ABR: variants seen among roughly 807,000 people sequenced by gnomAD.
ABR encodes active breakpoint cluster region-related protein.
Under a neutral mutation model 107.2 loss-of-function variants are expected in ABR, and 35 were observed. The observed-to-expected ratio is 0.33, with a 90% CI of 0.25 to 0.43. ABR has a LOEUF of 0.43. Ranked by LOEUF, ABR falls within the 20% of genes least tolerant of loss-of-function variation. The pLI is 1.00. For synonymous variants in ABR, 498 were observed against 462.0 expected, an observed-to-expected ratio of 1.08 and a Z score of -1.00; for missense variants, 815 against 1,115.2, an observed-to-expected ratio of 0.73 and a Z score of 3.83.
rs2032095807 is a variant in ABR at position 1,048,960 on chromosome 17, A to AGCACGAGGCC, written c.1791+1080_1791+1089dup. Reference sequence around the variant, plus strand: ...CCCCAAACCAGACCACTTGCGGCACAGCACGAGGCCACACGAGGTACCAGA... The same window carrying AGCACGAGGCC: ...CCCCAAACCAGACCACTTGCGGCACAGCACGAGGCCGCACGAGGCCACACGAGGTACCAGA... On this transcript the variant is annotated intron_variant, in intron 16 of 22. Coordinates refer to ENST00000302538, the MANE Select transcript of ABR (RefSeq NM_021962.5). 2.0e-5 allele frequency among the ~76,000 whole-genome samples: 3 copies of AGCACGAGGCC among 152,332 alleles called. No homozygotes were observed. In the South Asian group the frequency reaches 6.2e-4, roughly 32 times the overall value.
At chr17:1,015,560 G>A (rs537074113) in intron 16 of ABR, among the ~76,000 whole-genome samples, 3 of 152,006 alleles carry the variant, frequency 2.0e-5, no homozygotes, top group South Asian at 2.1e-4. Flanking sequence ...GGGTTCAAGC[G>A]ATTCTCCTGC....
At position 1,154,043 on chromosome 17, in the gene ABR, G is replaced by A; in HGVS notation, c.61+25624C>T. The A allele has an allele frequency of 6.4e-6, 1 of 155,754 alleles. No homozygotes were observed. The allele number at this position is 155,754 out of a possible 1,614,324, so 9.6% of individuals were successfully genotyped here. On this transcript the variant is annotated intron_variant, in intron 1 of 22. Transcript: ENST00000302538. The surrounding 1 kb of genome is among the most constrained non-coding windows in gnomAD (Gnocchi z 4.0). ...CCCACTCGGGGGCGGGCGCGTGGGA[G>A]GACCAACGAAGAGGGAGGAGGTGGG...
chr17:1,036,712 C>T (rs572664342), intron 16 of ABR, among the ~76,000 whole-genome samples: 62 of 152,138 alleles, frequency 4.1e-4, no homozygotes, highest in African/African-American at 1.2e-3. Flanking sequence ...GGAGTGGGGA[C>T]GGGAGTGTCC....
At chr17:1,041,080 C>G (rs562766670) in intron 16 of ABR, among the ~76,000 whole-genome samples, 4 of 152,078 alleles carry the variant, frequency 2.6e-5, no homozygotes, top group Non-Finnish European at 5.9e-5. Context: ...CCATCACGCC[C>G]GGCTGATTTT....
chr17:1,168,200 C>G (rs2041587235), intron 1 of ABR, among the ~76,000 whole-genome samples: 1 of 152,160 alleles, frequency 6.6e-6, no homozygotes, highest in Non-Finnish European at 1.5e-5. Context: ...GCAGGAGAAT[C>G]ACTGGAACCC....
intron 1 of ABR, among the ~76,000 whole-genome samples, chr17:1,225,310 A>AAAACC (rs1417151085): frequency 4.6e-5 from 7 of 152,050 alleles, no homozygotes; most frequent in African/African-American, 1.7e-4. Context: ...TGCACCACGG[A>AAAACC]AAACCAAACC....
intron 1 of ABR, among the ~76,000 whole-genome samples, chr17:1,130,867 G>A (rs973185235): frequency 3.9e-5 from 6 of 152,214 alleles, no homozygotes; most frequent in Admixed American, 6.5e-5. Context: ...CTGAAAGAGG[G>A]GAGTAAGTGG....
chr17:1,197,506 C>G lies in ABR; in HGVS notation c.838+31287G>C, dbSNP rs370044136. Among the ~76,000 whole-genome samples, 62 of 151,676 alleles carry G rather than the reference C, an allele frequency of 4.1e-4. 1 individual carries two copies. The East Asian group carries it at 8.5e-3, about 21-fold the overall frequency. On this transcript the variant is annotated intron_variant, in intron 1 of 22. Coordinates refer to the ABR transcript ENST00000574139. The stretch of plus-strand genomic sequence containing the variant: ...AGCCACAGCTCTGATGAAACCTCAC[C>G]CTAATCCCCTTCTCGTGGCCCACAG...
rs1048109520 is a variant in ABR, at chr17:1,003,567, C to G, written c.*2513G>C. The G allele has an allele frequency of 2.0e-5, 3 of 152,474 alleles. No individual in the cohort carries two copies. Among genetic ancestry groups the G allele is most frequent in the African/African-American group, 4.8e-5 (2 of 41,388 alleles). The allele number at this position is 152,474 out of a possible 1,614,324, so 9.4% of individuals were successfully genotyped here. The stretch of plus-strand genomic sequence containing the variant: ...CTTTGCATTTTTTATTAACATTTTC[C>G]TCTCACGTGGTTTACATCAATTTAT... On this transcript the variant is annotated 3_prime_UTR_variant, in exon 23 of 23. Transcript: ENST00000302538.
intron 16 of ABR, among the ~76,000 whole-genome samples, chr17:1,043,094 A>C (rs2030931179): frequency 6.6e-6 from 1 of 152,214 alleles, no homozygotes; most frequent in South Asian, 2.1e-4. Context: ...GGGGAGGGCC[A>C]ACAAGTTCTG....
chr17:1,022,656 T>C (rs2071790106), intron 16 of ABR: 2 of 154,606 alleles, frequency 1.3e-5, no homozygotes, highest in Admixed American at 1.3e-4. Flanking sequence ...CATCTTCCCA[T>C]GGCTTGGCAT....
At chr17:1,096,693 G>A (rs187712510) in intron 3 of ABR, among the ~76,000 whole-genome samples, 4,318 of 151,730 alleles carry the variant, frequency 0.028, 206 homozygotes, top group African/African-American at 0.098. Flanking sequence ...TGGGGAACCC[G>A]CCCCGGGAGG....
At chr17:1,149,306 G>A (rs901600593) in intron 1 of ABR, among the ~76,000 whole-genome samples, 4 of 152,118 alleles carry the variant, frequency 2.6e-5, no homozygotes, top group Non-Finnish European at 4.4e-5. Flanking sequence ...CATGGGTATC[G>A]ACAGGAGGCC....
At chr17:1,081,112 T>C (rs945598826) in intron 5 of ABR, among the ~76,000 whole-genome samples, 24 of 152,206 alleles carry the variant, frequency 1.6e-4, no homozygotes, top group African/African-American at 5.5e-4. Context: ...CCACACTCTC[T>C]GCACCATGTC....
At chr17:1,057,887 C>G in intron 12 of ABR, 83 bp downstream of exon 12, 1 of 1,281,854 alleles carries the variant, frequency 7.8e-7, no homozygotes, top group Non-Finnish European at 1.1e-6. Flanking sequence ...AGACGTGATA[C>G]TGGACATGAA....
At chr17:1,028,232 A>T (rs2072390813) in intron 16 of ABR, among the ~76,000 whole-genome samples, 1 of 150,264 alleles carries the variant, frequency 6.7e-6, no homozygotes, top group African/African-American at 2.4e-5. Flanking sequence ...CTGGGATTAC[A>T]GGTGCCCGCC....
At chr17:1,122,059 C>A (rs371242014) in intron 2 of ABR, among the ~76,000 whole-genome samples, 27 of 152,284 alleles carry the variant, frequency 1.8e-4, no homozygotes, top group East Asian at 5.8e-4. Context: ...TGTGCCACCA[C>A]GCCCGGCTAA....
intron 3 of ABR, among the ~76,000 whole-genome samples, chr17:1,095,148 T>G (rs546497329): frequency 6.6e-6 from 1 of 152,204 alleles, no homozygotes; most frequent in Non-Finnish European, 1.5e-5. Context: ...AGCAGGAAGG[T>G]CAGCAGTCCC....
chr17:1,177,374 CCCACCAT>C, intron 1 of ABR, among the ~76,000 whole-genome samples: 1 of 152,294 alleles, frequency 6.6e-6, no homozygotes, highest in East Asian at 1.9e-4. Flanking sequence ...CCCCCTCCCA[CCCACCAT>C]CCAGGCCACC....
Sources: allele counts gnomAD v4.1 joint callset (sites outside exome capture counted in the v4.1 genomes callset), GRCh38; gene constraint gnomAD v4.1.1; non-coding constraint Gnocchi (gnomAD v3.1); transcripts MANE v1.5; gene names NCBI Gene and HGNC (gene_info 2026-07-23, HGNC 2026-07-21).